The following RCOR3 variants were observed in gnomAD, a reference collection of about 807,000 sequenced individuals.
RCOR3 encodes the protein REST corepressor 3.
In RCOR3, 13 loss-of-function variants were observed where a neutral mutation model predicts 64.1. The ratio of observed to expected loss-of-function variants is 0.20; its 90% CI spans 0.13 to 0.32. The LOEUF (loss-of-function observed/expected upper bound fraction) is 0.32. RCOR3 is among the 10% of genes least tolerant of loss of function. The probability of loss-of-function intolerance (pLI) is 1.00; values close to 1 mark genes in which losing one functional copy is unlikely to be tolerated. For synonymous variants in RCOR3, 215 were observed against 239.0 expected (o/e 0.90, Z 0.93); for missense variants, 489 against 701.2 (o/e 0.70, Z 3.42).
At chr1:211,300,071 CTT>C (rs11419492) in intron 9 of RCOR3, among the ~76,000 whole-genome samples, 3 of 121,294 alleles carry the variant, frequency 2.5e-5, no homozygotes, top group Non-Finnish European at 1.7e-5. Flanking sequence ...TTCTTTCTTT[CTT>C]TTTTTTTTTT....
chr1:211,295,719 T>C lies in RCOR3; in HGVS notation c.983T>C (p.Met328Thr), dbSNP rs1699796628. 1.2e-6 allele frequency: 2 copies of C among 1,613,730 alleles called. No individual in the cohort carries two copies. The highest frequency in any genetic ancestry group is 2.2e-5 in the East Asian group (1 of 44,778). ...GTAAACAGTGCACTTAAACAGAAAA[T>C]GGAAGGTGGAATTGAAGAATTCAAA... ...KQVNSALKQK[M>T]EGGIEEFKPP... is the part of the protein sequence containing the mutation. Residue 328 changes from methionine to threonine, a missense_variant, in exon 9 of 12, where the codon ATG becomes ACG. Physicochemically the swap from Met to Thr is moderately conservative, Grantham distance 81. Transcript: ENST00000419091.
At chr1:211,267,592 C>CTTAT (rs763711273) in intron 2 of RCOR3, among the ~76,000 whole-genome samples, 1 of 151,974 alleles carries the variant, frequency 6.6e-6, no homozygotes, top group Non-Finnish European at 1.5e-5. Context: ...GTTTTTGAAA[C>CTTAT]TTATTTATTT....
rs1296313118 is a variant in RCOR3 at position 211,314,733 on chromosome 1, C to T, written c.*965C>T. 2.0e-5 allele frequency: 3 copies of T among 152,030 alleles called. No individual in the cohort carries two copies. Among genetic ancestry groups the T allele is most frequent in the African/African-American group, 4.8e-5 (2 of 41,416 alleles). 9.4% of individuals were successfully genotyped at this position (152,030 alleles called of 1,614,324 possible). On this transcript the variant is annotated 3_prime_UTR_variant, in exon 12 of 12. Transcript: ENST00000419091. ...AAGCATTTCTTTACAGTACCCTTTA[C>T]ATGTTTGGTTTCTGAACTTAAAATT...
At chr1:211,269,092 G>C (rs1352046694) in intron 2 of RCOR3, among the ~76,000 whole-genome samples, 1 of 152,128 alleles carries the variant, frequency 6.6e-6, no homozygotes, top group Non-Finnish European at 1.5e-5. Flanking sequence ...AAGGATTACA[G>C]TTTAACCTCG....
At chr1:211,281,767 A>C (rs1697847508) in intron 7 of RCOR3, among the ~76,000 whole-genome samples, 1 of 152,072 alleles carries the variant, frequency 6.6e-6, no homozygotes, top group Non-Finnish European at 1.5e-5. Flanking sequence ...CTTCTCTATG[A>C]AATCTTGTGC....
intron 2 of RCOR3, among the ~76,000 whole-genome samples, chr1:211,270,168 G>T (rs1017503416): frequency 5.3e-5 from 8 of 151,222 alleles, no homozygotes; most frequent in Admixed American, 5.3e-4. Flanking sequence ...GGTTCAAGCA[G>T]TTCTCCTGCG....
chr1:211,311,106 C>T (rs1443348309), intron 10 of RCOR3, among the ~76,000 whole-genome samples: 1 of 152,074 alleles, frequency 6.6e-6, no homozygotes, highest in African/African-American at 2.4e-5. Context: ...ACAGTAACTC[C>T]TGTGAAATAA....
intron 9 of RCOR3, among the ~76,000 whole-genome samples, chr1:211,296,473 T>C (rs1699872328): frequency 6.6e-6 from 1 of 152,166 alleles, no homozygotes; most frequent in African/African-American, 2.4e-5. Context: ...AATAATCTTA[T>C]TTGTTCTTAT....
At chr1:211,263,925 A>G (rs1185679517) in intron 2 of RCOR3, among the ~76,000 whole-genome samples, 4 of 151,952 alleles carry the variant, frequency 2.6e-5, no homozygotes, top group South Asian at 2.1e-4. Context: ...GGTTCAAGCA[A>G]TTCTGCCTCA....
intron 6 of RCOR3, 47 bp from the exon 7 acceptor site, chr1:211,279,187 TAAAA>T (rs10708960): frequency 8.5e-4 from 796 of 940,734 alleles, no homozygotes; most frequent in Middle Eastern, 1.5e-3. Context: ...AACGCTGTCT[TAAAA>T]AAAAAAAAAA....
chr1:211,312,294 GA>G lies in RCOR3; in HGVS notation c.1076-425del. 2.2e-6 allele frequency: 1 copy of G among 455,922 alleles called. No individual in the cohort carries two copies. Among genetic ancestry groups the G allele is most frequent in the South Asian group, 1.5e-5 (1 of 64,522 alleles). The allele number at this position is 455,922 out of a possible 1,614,324, so 28.2% of individuals were successfully genotyped here. On this transcript the variant is annotated intron_variant, in intron 10 of 11. Transcript: ENST00000419091. This position sits in a 1 kb window ranked among gnomAD's most constrained non-coding sequence, Gnocchi z 5.0. ...GGCTACTCACTCAGTCCATTGAGGG[GA>G]TAAGAGAGATGGCTCATTCCCATCC...
At position 211,289,264 on chromosome 1, in the gene RCOR3, G is replaced by A. The variant is rs982475511; in HGVS notation, c.807G>A (p.Gln269=). 1 of 1,614,100 alleles carries A rather than the reference G, an allele frequency of 6.2e-7. No individual in the cohort carries two copies. Among genetic ancestry groups the A allele is most frequent in the Non-Finnish European group, 8.5e-7 (1 of 1,180,024 alleles). Residue 269 remains glutamine, a synonymous_variant, in exon 8 of 12, where the codon CAG becomes CAA. Coordinates refer to ENST00000419091, the MANE Select transcript of RCOR3 (RefSeq NM_001136223.3). ...YQSLQHRHHS[Q]RSKCRPPKGM... is the part of the protein sequence containing the mutation. ...GTTTACAACATCGCCATCATTCTCA[G>A]CGTTCTAAGTGCCGTCCACCTAAGG...
chr1:211,260,571 G>A (rs1485525974), intron 2 of RCOR3, among the ~76,000 whole-genome samples: 1 of 152,062 alleles, frequency 6.6e-6, no homozygotes, highest in Non-Finnish European at 1.5e-5. Context: ...CGAGGGCCGC[G>A]CTCTGTCGGG....
intron 7 of RCOR3, among the ~76,000 whole-genome samples, chr1:211,288,086 T>C (rs1698770118): frequency 6.6e-6 from 1 of 151,790 alleles, no homozygotes; most frequent in African/African-American, 2.4e-5. Flanking sequence ...GGCACACAAC[T>C]GTAGTCCTGG....
intron 2 of RCOR3, 145 bp downstream of exon 2, chr1:211,260,309 T>C: frequency 1.4e-6 from 1 of 691,250 alleles, no homozygotes; most frequent in Non-Finnish European, 2.5e-6. Flanking sequence ...CTGTCAGGCT[T>C]GGCCGGGCTG....
chr1:211,289,662 G>C (rs900098218), intron 8 of RCOR3, among the ~76,000 whole-genome samples: 1 of 152,172 alleles, frequency 6.6e-6, no homozygotes, highest in Non-Finnish European at 1.5e-5. Flanking sequence ...TAAAATCGGG[G>C]ATAATAATCA....
At chr1:211,298,895 T>C (rs1700100240) in intron 9 of RCOR3, among the ~76,000 whole-genome samples, 1 of 152,044 alleles carries the variant, frequency 6.6e-6, no homozygotes, top group Admixed American at 6.6e-5. Flanking sequence ...TAGTCCCAGC[T>C]ACTCGGGAGG....
intron 7 of RCOR3, among the ~76,000 whole-genome samples, chr1:211,287,472 A>T (rs1468132043): frequency 6.6e-6 from 1 of 152,232 alleles, no homozygotes; most frequent in Non-Finnish European, 1.5e-5. Context: ...AAAAGACTTT[A>T]AAAAATGTTT....
intron 8 of RCOR3, among the ~76,000 whole-genome samples, chr1:211,293,889 C>T (rs990168060): frequency 3.6e-4 from 55 of 152,130 alleles, no homozygotes; most frequent in Admixed American, 5.2e-4. Context: ...CAATCCTAAC[C>T]CTTAACAGTC....
Sources: allele counts gnomAD v4.1 joint callset (sites outside exome capture counted in the v4.1 genomes callset), GRCh38; gene constraint gnomAD v4.1.1; non-coding constraint Gnocchi (gnomAD v3.1); transcripts MANE v1.5; gene names NCBI Gene and HGNC (gene_info 2026-07-23, HGNC 2026-07-21).